The following NFAM1 variants were observed in gnomAD, a reference collection of about 807,000 sequenced individuals.
NFAM1 encodes NFAT activating protein with ITAM motif 1, also known as NFAT activation molecule 1.
Under a neutral mutation model 29.0 loss-of-function variants are expected in NFAM1, and 17 were observed. That is an observed-to-expected ratio of 0.59 (90% CI 0.40 to 0.88). The LOEUF is 0.88. NFAM1 is among the 40% of genes least tolerant of loss of function. NFAM1 has a pLI of 0.00. For missense variants in NFAM1, 324 were observed against 344.6 expected, an observed-to-expected ratio of 0.94 and a Z score of 0.47; for synonymous variants, 175 against 147.2, an observed-to-expected ratio of 1.19 and a Z score of -1.36.
At chr22:42,422,307 C>T (rs2146550930) in intron 1 of NFAM1, among the ~76,000 whole-genome samples, 1 of 152,210 alleles carries the variant, frequency 6.6e-6, no homozygotes, top group African/African-American at 2.4e-5. Flanking sequence ...CTCCTTTTTG[C>T]CTGTTTTGAA....
intron 1 of NFAM1, among the ~76,000 whole-genome samples, chr22:42,425,297 G>A (rs1307906592): frequency 1.3e-5 from 2 of 152,074 alleles, no homozygotes; most frequent in African/African-American, 2.4e-5. Flanking sequence ...ACCCTGCCTC[G>A]CATTAGTGAT....
chr22:42,422,620 A>T (rs1015125465), intron 1 of NFAM1, among the ~76,000 whole-genome samples: 3 of 152,168 alleles, frequency 2.0e-5, no homozygotes, highest in African/African-American at 7.2e-5. Flanking sequence ...CAAAAAAAGA[A>T]GGTCAAAAAA....
intron 3 of NFAM1, among the ~76,000 whole-genome samples, chr22:42,405,680 C>T (rs942375851): frequency 2.0e-5 from 3 of 152,194 alleles, no homozygotes; most frequent in Non-Finnish European, 4.4e-5. Context: ...TGTTTCCCAC[C>T]CATCTCGGGT....
At chr22:42,389,038 C>T (rs994466899) in intron 4 of NFAM1, among the ~76,000 whole-genome samples, 19 of 152,044 alleles carry the variant, frequency 1.2e-4, no homozygotes, top group African/African-American at 3.9e-4. Context: ...CACCCAGGCC[C>T]AGACCCCTTC....
At chr22:42,404,836 G>C (rs1929839768) in intron 3 of NFAM1, among the ~76,000 whole-genome samples, 1 of 131,866 alleles carries the variant, frequency 7.6e-6, no homozygotes, top group African/African-American at 3.0e-5. Flanking sequence ...CCTAGGCAAA[G>C]AGTAAAACTC....
Position 42,409,603 on chromosome 22 carries a change from C to A in NFAM1, c.452-56G>T. Reference sequence around the variant, plus strand: ...CAGTGACCCAGGAGAAAGCGGGGCACACACACCTGATGTTCTCCCTCACTC... The same window carrying A: ...CAGTGACCCAGGAGAAAGCGGGGCAAACACACCTGATGTTCTCCCTCACTC... On this transcript the variant is annotated intron_variant, in intron 2 of 5. Transcript: ENST00000329021. The surrounding 1 kb of genome is among the most constrained non-coding windows in gnomAD (Gnocchi z 4.9). The A allele has an allele frequency of 1.2e-6, 1 of 818,228 alleles. No homozygotes were observed. Among genetic ancestry groups the A allele is most frequent in the Non-Finnish European group, 1.9e-6 (1 of 535,056 alleles). The allele number at this position is 818,228 out of a possible 1,614,324, so 50.7% of individuals were successfully genotyped here.
chr22:42,425,186 G>A (rs1930584517), intron 1 of NFAM1, among the ~76,000 whole-genome samples: 1 of 152,070 alleles, frequency 6.6e-6, no homozygotes, highest in Non-Finnish European at 1.5e-5. Flanking sequence ...GCCCCCCAAA[G>A]TGCGGGATTA....
At chr22:42,426,649 C>G (rs1285171773) in intron 1 of NFAM1, among the ~76,000 whole-genome samples, 1 of 152,190 alleles carries the variant, frequency 6.6e-6, no homozygotes, top group Non-Finnish European at 1.5e-5. Context: ...CACCCTGGGA[C>G]AGTGAATCAC....
intron 4 of NFAM1, among the ~76,000 whole-genome samples, chr22:42,391,207 C>T (rs1929328465): frequency 6.6e-6 from 1 of 152,182 alleles, no homozygotes; most frequent in South Asian, 2.1e-4. Flanking sequence ...ATCTTCTCTC[C>T]CAGAGGGTTT....
At chr22:42,401,853 G>A (rs1348605686) in intron 3 of NFAM1, among the ~76,000 whole-genome samples, 1 of 152,196 alleles carries the variant, frequency 6.6e-6, no homozygotes, top group East Asian at 1.9e-4. Flanking sequence ...TTGGGCCTCA[G>A]CTTCCTGCTC....
intron 1 of NFAM1, among the ~76,000 whole-genome samples, chr22:42,428,071 C>T (rs982530023): frequency 2.0e-5 from 3 of 152,208 alleles, no homozygotes; most frequent in Non-Finnish European, 4.4e-5. Context: ...GAGACAGGAC[C>T]CGCTGGGAGT....
At position 42,383,746 on chromosome 22, in the gene NFAM1, T is replaced by C. The variant is rs2092175; in HGVS notation, c.*1415A>G. 2.6e-5 allele frequency: 4 copies of C among 151,400 alleles called. No individual in the cohort carries two copies. The highest frequency in any genetic ancestry group is 5.9e-5 in the Non-Finnish European group (4 of 68,022). The allele number at this position is 151,400 out of a possible 1,614,324, so 9.4% of individuals were successfully genotyped here. A position where few individuals can be genotyped will look rare whatever the true frequency, so the allele number is the denominator to read the frequency against. ...GCAGGGGCGGGGCCTGTGCCTTGGG[T>C]TCCCCCCCCTCCCTGGGCACATTTG... On this transcript the variant is annotated 3_prime_UTR_variant, in exon 6 of 6. Coordinates refer to ENST00000329021, the MANE Select transcript of NFAM1 (RefSeq NM_145912.8).
intron 4 of NFAM1, 53 bp from the exon 5 acceptor site, chr22:42,387,131 C>T (rs1929177162): frequency 1.9e-6 from 2 of 1,062,940 alleles, no homozygotes; most frequent in South Asian, 2.8e-5. Context: ...GGGGCAGTCC[C>T]TGGCCCCAGC....
At chr22:42,417,401 G>A (rs529513131) in intron 1 of NFAM1, among the ~76,000 whole-genome samples, 1 of 152,364 alleles carries the variant, frequency 6.6e-6, no homozygotes, top group African/African-American at 2.4e-5. Context: ...TTATTCTCCA[G>A]GTCCCATGGG....
intron 1 of NFAM1, among the ~76,000 whole-genome samples, chr22:42,422,392 G>C (rs1440331519): frequency 4.6e-5 from 7 of 151,730 alleles, no homozygotes; most frequent in African/African-American, 1.7e-4. Flanking sequence ...GATCATCTGA[G>C]GTCAGTAGTT....
chr22:42,390,265 G>A (rs951411158), intron 4 of NFAM1, among the ~76,000 whole-genome samples: 4 of 152,046 alleles, frequency 2.6e-5, no homozygotes, highest in South Asian at 2.1e-4. Flanking sequence ...GTGGAAACCC[G>A]GACACCCTGG....
At chr22:42,385,571 A>G (rs920562023) in intron 5 of NFAM1, among the ~76,000 whole-genome samples, 3 of 152,080 alleles carry the variant, frequency 2.0e-5, no homozygotes, top group Non-Finnish European at 4.4e-5. Context: ...GGCTCATCAT[A>G]GGGTCCCAGG....
upstream of NFAM1, among the ~76,000 whole-genome samples, chr22:42,435,280 G>A (rs746891143): frequency 6.6e-6 from 1 of 152,096 alleles, no homozygotes; most frequent in Admixed American, 6.6e-5. Flanking sequence ...GGGCCTCCTC[G>A]ACACCAAGAC....
At chr22:42,418,136 G>A (rs546009648) in intron 1 of NFAM1, among the ~76,000 whole-genome samples, 18 of 152,194 alleles carry the variant, frequency 1.2e-4, no homozygotes, top group Admixed American at 2.0e-4. Context: ...GAGCGGGGGC[G>A]TTTGGGAAAA....
Sources: allele counts gnomAD v4.1 joint callset (sites outside exome capture counted in the v4.1 genomes callset), GRCh38; gene constraint gnomAD v4.1.1; non-coding constraint Gnocchi (gnomAD v3.1); transcripts MANE v1.5; gene names NCBI Gene and HGNC (gene_info 2026-07-23, HGNC 2026-07-21).